The following CNTN4 variants were observed in gnomAD, a reference collection of about 807,000 sequenced individuals.
The protein encoded by CNTN4 is contactin 4, also known as contactin-4.
Under a neutral mutation model 122.5 loss-of-function variants are expected in CNTN4, and 77 were observed. The ratio of observed to expected loss-of-function variants is 0.63; its 90% CI spans 0.52 to 0.76. CNTN4 has a LOEUF of 0.76. Ranked by LOEUF, CNTN4 falls within the 30% of genes least tolerant of loss-of-function variation. The pLI is 0.00. For synonymous variants in CNTN4, 512 were observed against 447.0 expected, an observed-to-expected ratio of 1.15 and a Z score of -1.83; for missense variants, 1,256 against 1,259.1, an observed-to-expected ratio of 1.00 and a Z score of 0.04.
intron 4 of CNTN4, among the ~76,000 whole-genome samples, chr3:2,642,237 T>C (rs549285482): frequency 1.3e-5 from 2 of 152,284 alleles, no homozygotes; most frequent in African/African-American, 4.8e-5. Context: ...GCATGCAGCA[T>C]GGAAGAAAGA....
chr3:2,815,951 G>A (rs148805263), intron 6 of CNTN4, among the ~76,000 whole-genome samples: 3,248 of 150,826 alleles, frequency 0.022, 124 homozygotes, highest in African/African-American at 0.076. Flanking sequence ...TGACGTGGAT[G>A]AGATTGGAGA....
chr3:2,253,456 C>T (rs537659132), intron 2 of CNTN4, among the ~76,000 whole-genome samples: 14 of 152,176 alleles, frequency 9.2e-5, no homozygotes, highest in East Asian at 7.7e-4. Flanking sequence ...TTCTGCCACA[C>T]GATTTATACC....
chr3:2,646,208 T>C (rs2083111842), intron 4 of CNTN4, among the ~76,000 whole-genome samples: 1 of 152,202 alleles, frequency 6.6e-6, no homozygotes, highest in Admixed American at 6.5e-5. Flanking sequence ...CAATAGAAGA[T>C]GTTCAGTCAG....
intron 4 of CNTN4, among the ~76,000 whole-genome samples, chr3:2,576,556 T>TC (rs1462387697): frequency 3.3e-5 from 5 of 151,352 alleles, no homozygotes; most frequent in Non-Finnish European, 7.4e-5. Context: ...TTTTTCTTTT[T>TC]TTTTTTTTTG....
chr3:2,399,510 A>G (rs537295346), intron 3 of CNTN4, among the ~76,000 whole-genome samples: 1 of 152,256 alleles, frequency 6.6e-6, no homozygotes, highest in Admixed American at 6.5e-5. Context: ...ATGCTAACTT[A>G]CTAGCTGTTA....
At chr3:3,001,301 G>A (rs946606284) in intron 14 of CNTN4, among the ~76,000 whole-genome samples, 4 of 152,130 alleles carry the variant, frequency 2.6e-5, no homozygotes, top group South Asian at 2.1e-4. Flanking sequence ...AACGCAATAG[G>A]TGTACATCCT....
intron 12 of CNTN4, among the ~76,000 whole-genome samples, chr3:2,908,339 G>A (rs567850329): frequency 6.6e-6 from 1 of 152,224 alleles, no homozygotes; most frequent in Non-Finnish European, 1.5e-5. Context: ...GATGGGGACT[G>A]CTGATTAAAT....
chr3:2,521,215 A>G (rs1575835765), intron 3 of CNTN4, among the ~76,000 whole-genome samples: 2 of 152,112 alleles, frequency 1.3e-5, no homozygotes, highest in South Asian at 2.1e-4. Context: ...ATGTGGGCCT[A>G]GAATAGCTGA....
rs565285175 is a variant in CNTN4 at position 2,752,191 on chromosome 3, A to G, written c.358+6494A>G. The stretch of plus-strand genomic sequence containing the variant: ...AACTTAATTGACTCATAGTAACTGC[A>G]TGTATTTATGGGTTACAGTGTGATA... On this transcript the variant is annotated intron_variant, in intron 6 of 24. Coordinates refer to ENST00000418658, the MANE Select transcript of CNTN4 (RefSeq NM_175607.3). 7.2e-5 allele frequency among the ~76,000 whole-genome samples: 11 copies of G among 152,280 alleles called. No individual in the cohort carries two copies. In the South Asian group the frequency reaches 2.1e-3, roughly 29 times the overall value.
intron 4 of CNTN4, among the ~76,000 whole-genome samples, chr3:2,695,530 T>C (rs2085979747): frequency 6.6e-6 from 1 of 152,230 alleles, no homozygotes; most frequent in South Asian, 2.1e-4. Flanking sequence ...AGTTCCAACA[T>C]CTGATGTCAG....
intron 6 of CNTN4, among the ~76,000 whole-genome samples, chr3:2,801,551 A>G (rs1308906041): frequency 1.3e-5 from 2 of 152,160 alleles, no homozygotes; most frequent in South Asian, 2.1e-4. Flanking sequence ...AATAATGAAG[A>G]TATTCTTTGG....
chr3:2,550,900 T>TGAGA (rs2078473042), intron 3 of CNTN4, among the ~76,000 whole-genome samples: 1 of 151,818 alleles, frequency 6.6e-6, no homozygotes, highest in African/African-American at 2.4e-5. Context: ...AGTTGAACAA[T>TGAGA]GAGAACCCAT....
intron 7 of CNTN4, among the ~76,000 whole-genome samples, chr3:2,843,908 G>A (rs929702413): frequency 6.6e-6 from 1 of 151,954 alleles, no homozygotes; most frequent in Non-Finnish European, 1.5e-5. Context: ...TTTCTCCCTG[G>A]CCAAAAGCCC....
At chr3:3,004,076 A>C (rs1696353857) in intron 14 of CNTN4, among the ~76,000 whole-genome samples, 1 of 152,134 alleles carries the variant, frequency 6.6e-6, no homozygotes, top group South Asian at 2.1e-4. Flanking sequence ...GTATACTTTA[A>C]AAAGGTGAAT....
intron 3 of CNTN4, among the ~76,000 whole-genome samples, chr3:2,488,943 A>G (rs2076237988): frequency 6.6e-6 from 1 of 152,256 alleles, no homozygotes; most frequent in Non-Finnish European, 1.5e-5. Flanking sequence ...ATAGATAAAA[A>G]GGAATGATAA....
At chr3:2,880,725 G>A (rs1343607175) in intron 8 of CNTN4, among the ~76,000 whole-genome samples, 3 of 152,178 alleles carry the variant, frequency 2.0e-5, no homozygotes, top group African/African-American at 7.2e-5. Context: ...TCATTTCGTG[G>A]TGAGAGGCCT....
chr3:3,034,751 A>C lies in CNTN4; in HGVS notation c.1903A>C (p.Arg635=), dbSNP rs770762971. The C allele has an allele frequency of 9.3e-6, 15 of 1,614,130 alleles. No homozygotes were observed. Among genetic ancestry groups the C allele is most frequent in the Non-Finnish European group, 1.3e-5 (15 of 1,180,008 alleles). ...SPITMYVIQA[R]TPFSVGWQAV... is the part of the protein sequence containing the mutation. ...CATCACCATGTATGTCATTCAAGCC[A>C]GGACTCCATTCTCCGTGGGCTGGCA... Residue 635 remains arginine (R), a synonymous_variant, in exon 17 of 25, where the codon AGG becomes CGG. Transcript: ENST00000418658.
intron 6 of CNTN4, among the ~76,000 whole-genome samples, chr3:2,812,667 T>C (rs771686352): frequency 1.2e-4 from 18 of 152,186 alleles, no homozygotes; most frequent in Non-Finnish European, 2.1e-4. Flanking sequence ...TTCTGTAAAC[T>C]TTCCTTTGGA....
At chr3:2,648,543 A>G (rs538901652) in intron 4 of CNTN4, among the ~76,000 whole-genome samples, 1 of 152,280 alleles carries the variant, frequency 6.6e-6, no homozygotes, top group South Asian at 2.1e-4. Context: ...CCGCACCCAT[A>G]TAAGACGAAG....
Sources: allele counts gnomAD v4.1 joint callset (sites outside exome capture counted in the v4.1 genomes callset), GRCh38; gene constraint gnomAD v4.1.1; transcripts MANE v1.5; gene names NCBI Gene and HGNC (gene_info 2026-07-23, HGNC 2026-07-21).